Variants in SAMD12 observed in about 807,000 individuals in gnomAD.
The protein encoded by SAMD12 is sterile alpha motif domain-containing protein 12.
Under a neutral mutation model 15.0 loss-of-function variants are expected in SAMD12, and 9 were observed. The ratio of observed to expected loss-of-function variants is 0.60; its 90% CI spans 0.36 to 1.05. The LOEUF is 1.05. Ranked by LOEUF, SAMD12 falls within the 50% of genes least tolerant of loss-of-function variation. The probability of loss-of-function intolerance (pLI) is 0.01; values close to 1 mark genes in which losing one functional copy is unlikely to be tolerated. For missense variants in SAMD12, 230 were observed against 234.2 expected, an observed-to-expected ratio of 0.98 and a Z score of 0.12; for synonymous variants, 86 against 90.1, an observed-to-expected ratio of 0.96 and a Z score of 0.25.
chr8:118,604,853 C>T (rs1827948012), intron 1 of SAMD12, among the ~76,000 whole-genome samples: 1 of 151,692 alleles, frequency 6.6e-6, no homozygotes, highest in Admixed American at 6.6e-5. Context: ...ACCCGGGGGA[C>T]GGAGCTTGCA....
the SAMD12 span, among the ~76,000 whole-genome samples, chr8:118,147,363 ATT>A: frequency 5.0e-5 from 7 of 138,800 alleles, no homozygotes; most frequent in Non-Finnish European, 7.9e-5. Context: ...TCCTAGGATA[ATT>A]TTTTTTTTTT....
intron 3 of SAMD12, among the ~76,000 whole-genome samples, chr8:118,437,634 C>T (rs1049088479): frequency 1.3e-5 from 2 of 152,146 alleles, no homozygotes; most frequent in Admixed American, 6.5e-5. Context: ...GGTTAATAAG[C>T]AGCTTGCCCA....
chr8:118,329,055 A>G (rs187742068), intron 4 of SAMD12, among the ~76,000 whole-genome samples: 18 of 152,314 alleles, frequency 1.2e-4, no homozygotes, highest in African/African-American at 4.3e-4. Flanking sequence ...AAAAACATGT[A>G]CGTCACCTCC....
chr8:118,399,190 A>T (rs1016631356), intron 3 of SAMD12, among the ~76,000 whole-genome samples: 5 of 112,530 alleles, frequency 4.4e-5, no homozygotes, highest in South Asian at 2.7e-4. Context: ...GGCCCGATAA[A>T]TTTTTTTTTT....
the SAMD12 span, among the ~76,000 whole-genome samples, chr8:118,165,196 T>C: frequency 6.6e-6 from 1 of 152,100 alleles, no homozygotes; most frequent in African/African-American, 2.4e-5. Context: ...AGGCTATAAA[T>C]TGAAGGTTCT....
At chr8:118,509,808 T>C (rs991410421) in intron 2 of SAMD12, among the ~76,000 whole-genome samples, 2 of 152,240 alleles carry the variant, frequency 1.3e-5, no homozygotes, top group Admixed American at 6.5e-5. Context: ...CACTGACTAT[T>C]GTCTTAGATT....
At chr8:118,474,158 T>C (rs1053885083) in intron 2 of SAMD12, among the ~76,000 whole-genome samples, 4 of 151,954 alleles carry the variant, frequency 2.6e-5, no homozygotes, top group African/African-American at 7.3e-5. Flanking sequence ...ACAAGGTTTC[T>C]CCATGTTGGC....
chr8:118,171,744 TTTTTG>T, the SAMD12 span, among the ~76,000 whole-genome samples: 6,949 of 150,954 alleles, frequency 0.046, 530 homozygotes, highest in African/African-American at 0.16. Context: ...TTTTTTTTTT[TTTTTG>T]GGTCAGGTCA....
Position 118,581,382 on chromosome 8 carries a change from C to T in SAMD12, c.14-489G>A, listed in dbSNP as rs575226985. Among the ~76,000 whole-genome samples the T allele has an allele frequency of 3.9e-5, 6 of 152,288 alleles. No individual in the cohort carries two copies. In the East Asian group the frequency reaches 9.6e-4, roughly 24 times the overall value. ...CTTAAGCACTTACTATGTGCCATCCCTGGGTTAGATCCTGGAAACATGGAT... is the reference window on the plus strand; with the variant it reads ...CTTAAGCACTTACTATGTGCCATCCTTGGGTTAGATCCTGGAAACATGGAT... On this transcript the variant is annotated intron_variant, in intron 1 of 3. Transcript: ENST00000314727.
chr8:118,332,556 A>G (rs1816855043), intron 4 of SAMD12, among the ~76,000 whole-genome samples: 1 of 152,210 alleles, frequency 6.6e-6, no homozygotes, highest in African/African-American at 2.4e-5. Context: ...TTTTTTCAGC[A>G]TAAGCATTGC....
chr8:118,471,949 G>T (rs1823806872), intron 2 of SAMD12, among the ~76,000 whole-genome samples: 1 of 152,194 alleles, frequency 6.6e-6, no homozygotes, highest in African/African-American at 2.4e-5. Context: ...CTTACTAGCT[G>T]TAGTGTCATT....
At chr8:118,554,949 G>C (rs948822840) in intron 2 of SAMD12, among the ~76,000 whole-genome samples, 6 of 152,056 alleles carry the variant, frequency 3.9e-5, no homozygotes, top group African/African-American at 1.4e-4. Context: ...TTTAGATTTG[G>C]ATTTCTAACT....
At chr8:118,401,933 T>G (rs950682513) in intron 3 of SAMD12, among the ~76,000 whole-genome samples, 7 of 152,222 alleles carry the variant, frequency 4.6e-5, no homozygotes, top group African/African-American at 1.7e-4. Context: ...ATTTTTAAGA[T>G]GAAAGTGAGC....
chr8:118,417,883 T>TA (rs1353748510), intron 3 of SAMD12, among the ~76,000 whole-genome samples: 3 of 152,318 alleles, frequency 2.0e-5, no homozygotes, highest in African/African-American at 7.2e-5. Flanking sequence ...TTTAGAATCT[T>TA]AGTGTTAAAA....
chr8:118,194,783 G>T (rs1381129737), exon 5 of SAMD12: 1 of 152,208 alleles, frequency 6.6e-6, no homozygotes, highest in Non-Finnish European at 1.5e-5. Context: ...CACAGTTGAA[G>T]TTAACCATGG....
intron 4 of SAMD12, among the ~76,000 whole-genome samples, chr8:118,287,130 T>G (rs1814074618): frequency 1.8e-5 from 2 of 110,810 alleles, no homozygotes; most frequent in South Asian, 3.8e-4. Context: ...ATATTTTTTT[T>G]TTTTTTTTTT....
chr8:118,143,257 C>T, the SAMD12 span, among the ~76,000 whole-genome samples: 1 of 152,196 alleles, frequency 6.6e-6, no homozygotes, highest in African/African-American at 2.4e-5. Context: ...ATAATGTGTA[C>T]TGCAGAATTA....
intron 2 of SAMD12, among the ~76,000 whole-genome samples, chr8:118,533,651 T>C (rs1363268876): frequency 1.3e-5 from 2 of 152,248 alleles, no homozygotes; most frequent in East Asian, 3.8e-4. Context: ...ATAATTAGGA[T>C]AGTTAGCTCT....
At chr8:118,344,797 G>A (rs1294565727) in intron 4 of SAMD12, among the ~76,000 whole-genome samples, 9 of 152,062 alleles carry the variant, frequency 5.9e-5, no homozygotes, top group Admixed American at 4.6e-4. Context: ...TTGGATGTAC[G>A]GTCACATGCC....
Sources: allele counts gnomAD v4.1 joint callset (sites outside exome capture counted in the v4.1 genomes callset), GRCh38; gene constraint gnomAD v4.1.1; transcripts MANE v1.5; gene names NCBI Gene and HGNC (gene_info 2026-07-23, HGNC 2026-07-21).